ADAMTS16: variants seen among roughly 807,000 people sequenced by gnomAD.
ADAMTS16 encodes ADAM metallopeptidase with thrombospondin type 1 motif 16.
Under a neutral mutation model 145.8 loss-of-function variants are expected in ADAMTS16, and 94 were observed. The observed-to-expected ratio is 0.64, with a 90% CI of 0.55 to 0.77. ADAMTS16 has a LOEUF of 0.77. Among genes scored for constraint, ADAMTS16 ranks in the 30% least tolerant of loss-of-function variants. The pLI, the probability that ADAMTS16 is intolerant of heterozygous loss-of-function variation, is 0.00. For synonymous variants in ADAMTS16, 659 were observed against 604.3 expected (o/e 1.09, Z -1.33); for missense variants, 1,585 against 1,591.5 (o/e 1.00, Z 0.07).
chr5:5,203,030 G>A (rs1736003862), intron 9 of ADAMTS16, among the ~76,000 whole-genome samples: 1 of 152,194 alleles, frequency 6.6e-6, no homozygotes, highest in South Asian at 2.1e-4. Flanking sequence ...TGAACTATAA[G>A]TTGAAGTGTG....
intron 8 of ADAMTS16, among the ~76,000 whole-genome samples, chr5:5,193,006 TA>T (rs1735705391): frequency 6.6e-6 from 1 of 152,226 alleles, no homozygotes; most frequent in African/African-American, 2.4e-5. Context: ...TATAAGTTTT[TA>T]TTTTTTTTAA....
intron 17 of ADAMTS16, among the ~76,000 whole-genome samples, chr5:5,261,215 A>C (rs1579351561): frequency 6.6e-6 from 1 of 151,500 alleles, no homozygotes; most frequent in South Asian, 2.1e-4. Context: ...ATTTCGTCCC[A>C]CTGCAGCCTC....
chr5:5,242,263 TTTC>T, intron 17 of ADAMTS16, 72 bp downstream of exon 17: 1 of 1,561,860 alleles, frequency 6.4e-7, no homozygotes, highest in Non-Finnish European at 8.7e-7. Context: ...TGCACTGGCC[TTTC>T]TTGAATCCTA....
intron 22 of ADAMTS16, 22 bp downstream of exon 22, chr5:5,318,303 G>T: frequency 7.1e-7 from 1 of 1,412,794 alleles, no homozygotes; most frequent in Non-Finnish European, 9.3e-7. Context: ...GGGCCCCTCA[G>T]CATGACCTGG....
chr5:5,303,874 C>A, intron 20 of ADAMTS16, 108 bp downstream of exon 20: 1 of 1,276,766 alleles, frequency 7.8e-7, no homozygotes, highest in Non-Finnish European at 1.1e-6. Flanking sequence ...CCCCTTATAT[C>A]TCTTCTTGGC....
Position 5,162,725 on chromosome 5 carries a change from A to G in ADAMTS16, c.501+16270A>G, listed in dbSNP as rs576915445. 2.0e-5 allele frequency among the ~76,000 whole-genome samples: 3 copies of G among 150,020 alleles called. No homozygotes were observed. In the East Asian group the frequency reaches 5.9e-4, roughly 29 times the overall value. On this transcript the variant is annotated intron_variant, in intron 3 of 22. Transcript: ENST00000274181. Reference sequence around the variant, plus strand: ...TTGAGTGATGAAAGACCAGAGAGAGAGAGAAAAAGAGAGAGAGAGGAGAAG... The same window carrying G: ...TTGAGTGATGAAAGACCAGAGAGAGGGAGAAAAAGAGAGAGAGAGGAGAAG...
chr5:5,170,708 A>AT (rs71604108), intron 3 of ADAMTS16, among the ~76,000 whole-genome samples: 39,983 of 148,704 alleles, frequency 0.27, 6,339 homozygotes, highest in Non-Finnish European at 0.37. Context: ...AAATTCTTAG[A>AT]TTTTTTTTTT....
chr5:5,185,270 T>C (rs1579295752), intron 4 of ADAMTS16, among the ~76,000 whole-genome samples: 1 of 152,346 alleles, frequency 6.6e-6, no homozygotes, highest in Admixed American at 6.5e-5. Flanking sequence ...GTGAATACAG[T>C]CTGCATAGAT....
chr5:5,195,563 C>A (rs1315144651), intron 8 of ADAMTS16, among the ~76,000 whole-genome samples: 5 of 152,150 alleles, frequency 3.3e-5, no homozygotes, highest in Admixed American at 2.0e-4. Flanking sequence ...CTCATATATG[C>A]AAGTGTAATT....
At chr5:5,145,031 G>A (rs1734256704) in intron 2 of ADAMTS16, among the ~76,000 whole-genome samples, 1 of 152,170 alleles carries the variant, frequency 6.6e-6, no homozygotes, top group African/African-American at 2.4e-5. Flanking sequence ...AAACAACTGG[G>A]GCCTCACGGG....
intron 3 of ADAMTS16, among the ~76,000 whole-genome samples, chr5:5,156,693 G>T (rs1734613266): frequency 6.6e-6 from 1 of 152,294 alleles, no homozygotes; most frequent in East Asian, 1.9e-4. Flanking sequence ...AGTAGGCTTG[G>T]GGGTTGTATT....
intron 3 of ADAMTS16, among the ~76,000 whole-genome samples, chr5:5,169,118 C>T (rs1482823661): frequency 6.6e-6 from 1 of 152,090 alleles, no homozygotes; most frequent in African/African-American, 2.4e-5. Context: ...GTATCAGTTC[C>T]TACAACCTCT....
intron 20 of ADAMTS16, among the ~76,000 whole-genome samples, chr5:5,304,545 G>C (rs767608335): frequency 6.6e-6 from 1 of 152,078 alleles, no homozygotes; most frequent in African/African-American, 2.4e-5. Flanking sequence ...GCTGTGGGAA[G>C]AAAGCTCCTC....
intron 3 of ADAMTS16, among the ~76,000 whole-genome samples, chr5:5,161,643 G>A (rs563522068): frequency 2.6e-5 from 4 of 152,302 alleles, no homozygotes; most frequent in Non-Finnish European, 1.5e-5. Flanking sequence ...TTTCCATACT[G>A]TCTTAATTCA....
At chr5:5,297,769 T>G (rs1454070410) in intron 18 of ADAMTS16, among the ~76,000 whole-genome samples, 1 of 152,216 alleles carries the variant, frequency 6.6e-6, no homozygotes, top group African/African-American at 2.4e-5. Flanking sequence ...TGTGAGGAGC[T>G]TTGATGTCCT....
intron 3 of ADAMTS16, among the ~76,000 whole-genome samples, chr5:5,166,582 G>A (rs1345433729): frequency 6.6e-6 from 1 of 152,112 alleles, no homozygotes; most frequent in African/African-American, 2.4e-5. Flanking sequence ...GTCAGTAGAG[G>A]GTGATCTGGT....
intron 3 of ADAMTS16, among the ~76,000 whole-genome samples, chr5:5,175,065 CAGA>C (rs1490783524): frequency 1.3e-5 from 2 of 152,216 alleles, no homozygotes; most frequent in South Asian, 2.1e-4. Flanking sequence ...TTTCCTTAAG[CAGA>C]AGAAGTCTCT....
At chr5:5,289,527 G>A (rs1439585167) in intron 18 of ADAMTS16, among the ~76,000 whole-genome samples, 2 of 152,216 alleles carry the variant, frequency 1.3e-5, no homozygotes, top group East Asian at 3.8e-4. Context: ...CTCAACATAG[G>A]TATCAAACTC....
chr5:5,275,417 A>AG (rs1738648918), intron 18 of ADAMTS16, among the ~76,000 whole-genome samples: 2 of 152,308 alleles, frequency 1.3e-5, no homozygotes, highest in South Asian at 4.1e-4. Context: ...TGTTCTGAAT[A>AG]GGGTTATTCA....
Sources: allele counts gnomAD v4.1 joint callset (sites outside exome capture counted in the v4.1 genomes callset), GRCh38; gene constraint gnomAD v4.1.1; transcripts MANE v1.5; gene names NCBI Gene and HGNC (gene_info 2026-07-23, HGNC 2026-07-21).